Variants in DLGAP2 observed in about 807,000 individuals in gnomAD.
DLGAP2 encodes disks large-associated protein 2.
Under a neutral mutation model 100.3 loss-of-function variants are expected in DLGAP2, and 26 were observed. The ratio of observed to expected loss-of-function variants is 0.26; its 90% confidence interval spans 0.19 to 0.36. DLGAP2 has a LOEUF of 0.36. DLGAP2 is among the 10% of genes least tolerant of loss of function. DLGAP2 has a pLI of 1.00. For synonymous variants in DLGAP2, 886 were observed against 630.1 expected (o/e 1.41, Z -6.08); for missense variants, 1,858 against 1,453.2 (o/e 1.28, Z -4.53).
chr8:769,043 G>A (rs12386927), intron 1 of DLGAP2, among the ~76,000 whole-genome samples: 37,940 of 151,948 alleles, frequency 0.25, 5,610 homozygotes, highest in Non-Finnish European at 0.34. Context: ...CGAGTATTAG[G>A]TGAGACAGTG....
chr8:764,542 T>C (rs1821162764), intron 1 of DLGAP2, among the ~76,000 whole-genome samples: 1 of 152,368 alleles, frequency 6.6e-6, no homozygotes, highest in East Asian at 1.9e-4. Flanking sequence ...ACAGACTCTG[T>C]GGCTGATTTT....
chr8:1,689,642 C>CA (rs1412681961), intron 12 of DLGAP2, among the ~76,000 whole-genome samples: 2 of 151,876 alleles, frequency 1.3e-5, no homozygotes, highest in Non-Finnish European at 2.9e-5. Flanking sequence ...CCAGGGAGAG[C>CA]AAAAAGAGCA....
At chr8:1,376,369 G>A (rs565468943) in intron 3 of DLGAP2, among the ~76,000 whole-genome samples, 82 of 152,344 alleles carry the variant, frequency 5.4e-4, no homozygotes, top group Middle Eastern at 3.4e-3. Flanking sequence ...CATCGGCCAC[G>A]GGGGCCTGCA....
intron 2 of DLGAP2, among the ~76,000 whole-genome samples, chr8:1,112,888 T>C (rs1001346622): frequency 1.2e-4 from 18 of 152,188 alleles, no homozygotes; most frequent in African/African-American, 4.1e-4. Context: ...GTACATGGCA[T>C]AAGGAAGGGG....
intron 12 of DLGAP2, among the ~76,000 whole-genome samples, chr8:1,683,986 A>G (rs1182209594): frequency 1.8e-5 from 1 of 57,100 alleles, no homozygotes; most frequent in African/African-American, 6.3e-5. Context: ...ATATATATAT[A>G]TACTTTTTTT....
At chr8:1,124,856 C>T (rs1796129855) in intron 2 of DLGAP2, among the ~76,000 whole-genome samples, 2 of 152,132 alleles carry the variant, frequency 1.3e-5, no homozygotes, top group Admixed American at 6.5e-5. Context: ...GGCCCGGAAC[C>T]CCAGGCTCTG....
At chr8:764,428 A>G (rs1412959119) in intron 1 of DLGAP2, among the ~76,000 whole-genome samples, 1 of 152,228 alleles carries the variant, frequency 6.6e-6, no homozygotes, top group African/African-American at 2.4e-5. Flanking sequence ...CCTATTATAT[A>G]CTTTGTCACT....
At chr8:1,370,481 T>G (rs923048879) in intron 3 of DLGAP2, among the ~76,000 whole-genome samples, 1 of 152,244 alleles carries the variant, frequency 6.6e-6, no homozygotes, top group Non-Finnish European at 1.5e-5. Context: ...CCACTCTCCT[T>G]TATCTTCTAT....
At chr8:842,190 T>C (rs1796995277) in intron 1 of DLGAP2, among the ~76,000 whole-genome samples, 2 of 152,200 alleles carry the variant, frequency 1.3e-5, no homozygotes, top group Non-Finnish European at 2.9e-5. Flanking sequence ...TCGCCATCTC[T>C]CTAGTCCTTG....
chr8:1,237,232 G>C (rs1415142305), intron 2 of DLGAP2, among the ~76,000 whole-genome samples: 2 of 141,112 alleles, frequency 1.4e-5, no homozygotes, highest in African/African-American at 5.8e-5. Context: ...CTCACATGGC[G>C]CCGTGTCTAG....
intron 3 of DLGAP2, chr8:1,302,362 AGTTCCCG>A (rs1800372589): frequency 2.0e-5 from 2 of 101,372 alleles, no homozygotes; most frequent in African/African-American, 1.0e-4. Flanking sequence ...ATTTTCTGTG[AGTTCCCG>A]AGCTCTGCTC....
chr8:1,162,571 A>G (rs1796912853), intron 2 of DLGAP2, among the ~76,000 whole-genome samples: 1 of 152,244 alleles, frequency 6.6e-6, no homozygotes, highest in Admixed American at 6.5e-5. Flanking sequence ...GGTAATAGTC[A>G]ATGACATTCA....
chr8:1,377,898 G>A (rs1203173216), intron 3 of DLGAP2: 1 of 152,314 alleles, frequency 6.6e-6, no homozygotes, highest in Non-Finnish European at 1.5e-5. Context: ...CACCCACCTC[G>A]TCTGTCTGGG....
chr8:1,651,321 G>C (rs528603477), intron 8 of DLGAP2, among the ~76,000 whole-genome samples: 1 of 152,154 alleles, frequency 6.6e-6, no homozygotes, highest in African/African-American at 2.4e-5. Context: ...CGAATGAAGC[G>C]CTGGCCCCGT....
rs570807887 is a variant in DLGAP2 at position 796,581 on chromosome 8, G to T, written c.18+58756G>T. Among the ~76,000 whole-genome samples, 52 of 152,262 alleles carry T rather than the reference G, an allele frequency of 3.4e-4. 1 individual carries two copies. In the South Asian group the frequency reaches 0.01, roughly 30 times the overall value. ...TGCTTACTGGCCTTCCTTGGTCTGA[G>T]TGGATTCCTCCTCTGCAGCCTCAGA... On this transcript the variant is annotated intron_variant, in intron 1 of 14. Coordinates refer to ENST00000637795, the MANE Select transcript of DLGAP2 (RefSeq NM_001346810.2).
At chr8:871,291 G>A (rs1468774414) in intron 1 of DLGAP2, among the ~76,000 whole-genome samples, 3 of 152,220 alleles carry the variant, frequency 2.0e-5, no homozygotes, top group Non-Finnish European at 4.4e-5. Flanking sequence ...ACTATCTTCT[G>A]TCCAAACTGT....
intron 2 of DLGAP2, among the ~76,000 whole-genome samples, chr8:986,156 G>C (rs1280600757): frequency 6.6e-6 from 1 of 152,078 alleles, no homozygotes; most frequent in Non-Finnish European, 1.5e-5. Context: ...CTTATTAGTA[G>C]GGAGTGTGAC....
intron 4 of DLGAP2, among the ~76,000 whole-genome samples, chr8:1,518,218 T>C (rs1800462794): frequency 6.6e-6 from 1 of 152,184 alleles, no homozygotes; most frequent in African/African-American, 2.4e-5. Flanking sequence ...TTTGCTAGCG[T>C]TCAGCCCTAA....
intron 2 of DLGAP2, among the ~76,000 whole-genome samples, chr8:980,606 A>C (rs1800303576): frequency 6.6e-6 from 1 of 151,890 alleles, no homozygotes; most frequent in Middle Eastern, 3.4e-3. Flanking sequence ...ATGGCGCTGA[A>C]CTCTGTTGAC....
Sources: allele counts gnomAD v4.1 joint callset (sites outside exome capture counted in the v4.1 genomes callset), GRCh38; gene constraint gnomAD v4.1.1; transcripts MANE v1.5; gene names NCBI Gene and HGNC (gene_info 2026-07-23, HGNC 2026-07-21).